CCDC7: variants seen among roughly 807,000 people sequenced by gnomAD.
CCDC7 encodes coiled-coil domain containing 7, also known as coiled-coil domain-containing protein 7.
A neutral mutation model predicts 196.9 loss-of-function variants in CCDC7; 183 were observed. That is an observed-to-expected ratio of 0.93 (90% CI 0.82 to 1.05). The LOEUF (loss-of-function observed/expected upper bound fraction) is 1.05, where lower values mean the gene tolerates loss of function less well. CCDC7 is among the 50% of genes least tolerant of loss of function. The pLI is 0.00. For missense variants in CCDC7, 1,540 were observed against 1,482.2 expected, an observed-to-expected ratio of 1.04 and a Z score of -0.64; for synonymous variants, 525 against 484.6, an observed-to-expected ratio of 1.08 and a Z score of -1.10.
intron 11 of CCDC7, 81 bp downstream of exon 12, chr10:32,518,586 A>G: frequency 9.1e-7 from 1 of 1,104,574 alleles, no homozygotes. Context: ...AGAGCTATTT[A>G]AATGTTATAT....
intron 25 of CCDC7, among the ~76,000 whole-genome samples, chr10:32,723,232 A>G (rs1472304335): frequency 3.9e-5 from 6 of 152,060 alleles, no homozygotes; most frequent in Non-Finnish European, 8.8e-5. Flanking sequence ...TCCTGGAGAG[A>G]GTGCGTGATT....
chr10:32,655,580 G>T (rs1184980846), intron 20 of CCDC7, among the ~76,000 whole-genome samples: 3 of 152,098 alleles, frequency 2.0e-5, no homozygotes, highest in Non-Finnish European at 4.4e-5. Context: ...GGGCTGGAGT[G>T]CAGTGGTGTG....
rs562026310 is a variant in CCDC7 at position 32,495,359 on chromosome 10, T to C, written c.872+3362T>C. On this transcript the variant is annotated intron_variant, in intron 9 of 41. Transcript: ENST00000639629. ...GTAGGTTACCTGTTCAGCCTAATGATAGTTTCTTTTGCTGTGCAGAAGTTC... is the reference window on the plus strand; with the variant it reads ...GTAGGTTACCTGTTCAGCCTAATGACAGTTTCTTTTGCTGTGCAGAAGTTC... 5.3e-5 allele frequency among the ~76,000 whole-genome samples: 8 copies of C among 152,358 alleles called. No individual in the cohort carries two copies. The South Asian group carries it at 8.3e-4, about 16-fold the overall frequency.
chr10:32,817,561 GA>G (rs1166701521), intron 31 of CCDC7, among the ~76,000 whole-genome samples: 2 of 152,152 alleles, frequency 1.3e-5, no homozygotes, highest in Admixed American at 6.5e-5. Context: ...TGAAATGAAG[GA>G]AAAAATGTTA....
At chr10:32,505,210 A>G (rs1438729419) in intron 9 of CCDC7, among the ~76,000 whole-genome samples, 1 of 151,018 alleles carries the variant, frequency 6.6e-6, no homozygotes, top group Non-Finnish European at 1.5e-5. Flanking sequence ...GTATTTATTG[A>G]TCATTCTTGG....
intron 31 of CCDC7, among the ~76,000 whole-genome samples, chr10:32,815,614 A>C (rs1391567300): frequency 6.6e-6 from 1 of 152,210 alleles, no homozygotes; most frequent in Non-Finnish European, 1.5e-5. Context: ...TTTGAAAAAT[A>C]TTTACTAGGT....
chr10:32,448,442 T>C (rs2032042165), upstream of CCDC7, among the ~76,000 whole-genome samples: 1 of 152,104 alleles, frequency 6.6e-6, no homozygotes, highest in African/African-American at 2.4e-5. Flanking sequence ...AATCCATAAT[T>C]ACATCAACAA....
chr10:32,652,330 G>C (rs1343986545), intron 20 of CCDC7, among the ~76,000 whole-genome samples: 1 of 151,830 alleles, frequency 6.6e-6, no homozygotes, highest in Non-Finnish European at 1.5e-5. Flanking sequence ...GTTTTCTATA[G>C]GGCACATATA....
At chr10:32,663,053 A>G (rs1177942872) in intron 20 of CCDC7, among the ~76,000 whole-genome samples, 1 of 152,070 alleles carries the variant, frequency 6.6e-6, no homozygotes, top group Admixed American at 6.5e-5. Flanking sequence ...TGTATGTAAC[A>G]CTTTCCCCCT....
intron 11 of CCDC7, among the ~76,000 whole-genome samples, chr10:32,532,013 A>C (rs2049752750): frequency 6.6e-6 from 1 of 151,950 alleles, no homozygotes; most frequent in African/African-American, 2.4e-5. Flanking sequence ...GATTTTCTGC[A>C]CATTTCTTAG....
At chr10:32,572,290 T>C (rs2057671693) in intron 16 of CCDC7, among the ~76,000 whole-genome samples, 1 of 152,166 alleles carries the variant, frequency 6.6e-6, no homozygotes, top group African/African-American at 2.4e-5. Flanking sequence ...TGCACACATA[T>C]GTATGTACAT....
chr10:32,479,828 C>T (rs545270982), intron 8 of CCDC7, among the ~76,000 whole-genome samples: 1 of 87,178 alleles, frequency 1.1e-5, no homozygotes, highest in South Asian at 6.3e-4. Flanking sequence ...CCACTGGGTC[C>T]TGGTTTTTTC....
At chr10:32,739,098 G>A (rs2085378300) in intron 28 of CCDC7, among the ~76,000 whole-genome samples, 1 of 151,932 alleles carries the variant, frequency 6.6e-6, no homozygotes, top group Non-Finnish European at 1.5e-5. Context: ...TTTGAGTATA[G>A]CATATGATTA....
chr10:32,664,795 T>C (rs1213787571), intron 21 of CCDC7, among the ~76,000 whole-genome samples: 3 of 152,072 alleles, frequency 2.0e-5, no homozygotes, highest in Non-Finnish European at 4.4e-5. Flanking sequence ...AATATCTCTT[T>C]TATATACTGA....
At chr10:32,459,783 G>T (rs1402255071) in intron 3 of CCDC7, among the ~76,000 whole-genome samples, 1 of 149,886 alleles carries the variant, frequency 6.7e-6, no homozygotes, top group East Asian at 2.0e-4. Flanking sequence ...ATAACCAAGT[G>T]AGTCCTGAAG....
chr10:32,470,415 T>C (rs557792328), intron 5 of CCDC7, among the ~76,000 whole-genome samples: 3 of 152,300 alleles, frequency 2.0e-5, no homozygotes, highest in African/African-American at 7.2e-5. Flanking sequence ...AGGTTTCTTT[T>C]GCTGTGGTTT....
At chr10:32,797,018 G>C (rs989896647) in intron 29 of CCDC7, among the ~76,000 whole-genome samples, 4 of 151,962 alleles carry the variant, frequency 2.6e-5, no homozygotes, top group African/African-American at 9.7e-5. Context: ...GAAACAAGGT[G>C]ACCTCAGAAT....
At chr10:32,619,663 A>G (rs2063164511) in intron 18 of CCDC7, among the ~76,000 whole-genome samples, 2 of 152,118 alleles carry the variant, frequency 1.3e-5, no homozygotes, top group African/African-American at 4.8e-5. Context: ...AACAAAATAA[A>G]TAACCTTGAA....
intron 23 of CCDC7, among the ~76,000 whole-genome samples, chr10:32,692,697 A>T (rs2077224913): frequency 6.6e-6 from 1 of 152,218 alleles, no homozygotes; most frequent in Admixed American, 6.5e-5. Context: ...AACATGCCAA[A>T]CTCAAAGTAA....
Sources: gnomAD v4.1 joint callset for allele counts (sites outside exome capture counted in the v4.1 genomes callset) on GRCh38, gnomAD v4.1.1 for gene constraint, MANE v1.5 for transcripts, NCBI Gene and HGNC (gene_info 2026-07-23, HGNC 2026-07-21) for gene names.